ENTPD4: variants seen among roughly 807,000 people sequenced by gnomAD.
ENTPD4 encodes ectonucleoside triphosphate diphosphohydrolase 4.
A neutral mutation model predicts 79.1 loss-of-function variants in ENTPD4; 60 were observed. The observed-to-expected ratio is 0.76, with a 90% CI of 0.62 to 0.94. ENTPD4 has a LOEUF of 0.94. Ranked by LOEUF, ENTPD4 falls within the 40% of genes least tolerant of loss-of-function variation. ENTPD4 has a pLI of 0.00. For missense variants in ENTPD4, 772 were observed against 775.1 expected, an observed-to-expected ratio of 1.00 and a Z score of 0.05; for synonymous variants, 276 against 292.0, an observed-to-expected ratio of 0.95 and a Z score of 0.56.
At position 23,437,012 on chromosome 8, in the gene ENTPD4, G is replaced by A. The variant is rs377225968; in HGVS notation, c.1296C>T (p.Ser432=). 8.7e-6 allele frequency: 14 copies of A among 1,614,024 alleles called. No individual in the cohort carries two copies. The highest frequency in any genetic ancestry group is 8.0e-5 in the African/African-American group (6 of 75,006). ...CATCCTCGGTGCAGTAGTAGAATTC[G>A]GAGAAGCCATAGAATTCACTGTTCT... The part of the protein sequence containing the change: ...HFQNSEFYGF[S]EFYYCTEDVL... The change falls in exon 10 of 13, where the codon TCC becomes TCT. Residue 432 remains serine (S), a synonymous_variant. Coordinates refer to ENST00000358689, the MANE Select transcript of ENTPD4 (RefSeq NM_004901.5).
chr8:23,445,271 C>A (rs1800746333), intron 4 of ENTPD4, among the ~76,000 whole-genome samples: 1 of 152,160 alleles, frequency 6.6e-6, no homozygotes, highest in Non-Finnish European at 1.5e-5. Flanking sequence ...TTTGGACACG[C>A]CCTCTGCCAG....
At chr8:23,457,331 G>C (rs1800977184) in intron 1 of ENTPD4, among the ~76,000 whole-genome samples, 2 of 150,666 alleles carry the variant, frequency 1.3e-5, no homozygotes, top group African/African-American at 4.9e-5. Flanking sequence ...GGAGCGCGCC[G>C]GCCGCCAGGG....
rs1563222805 is a variant in ENTPD4, at chr8:23,437,042, G to A, written c.1266C>T (p.His422=). Reference sequence around the variant, plus strand: ...AGCCATAGAATTCACTGTTCTGGAAGTGAATTGGGGGCTGGTAGACCCCAT... The same window carrying A: ...AGCCATAGAATTCACTGTTCTGGAAATGAATTGGGGGCTGGTAGACCCCAT... ...SLNGVYQPPI[H]FQNSEFYGFS... The change falls in exon 10 of 13, where the codon CAC becomes CAT. Residue 422 remains histidine, a synonymous_variant. Coordinates refer to ENST00000358689, the MANE Select transcript of ENTPD4 (RefSeq NM_004901.5). 1.9e-6 allele frequency: 3 copies of A among 1,614,178 alleles called. No individual in the cohort carries two copies. The highest frequency in any genetic ancestry group is 1.7e-6 in the Non-Finnish European group (2 of 1,179,986).
At chr8:23,443,572 C>A (rs1346015251) in intron 6 of ENTPD4, among the ~76,000 whole-genome samples, 2 of 152,164 alleles carry the variant, frequency 1.3e-5, no homozygotes, top group Non-Finnish European at 2.9e-5. Flanking sequence ...ACAACTTAGG[C>A]AAGGCACACA....
chr8:23,446,174 A>G (rs1800760465), intron 4 of ENTPD4, among the ~76,000 whole-genome samples: 2 of 152,184 alleles, frequency 1.3e-5, no homozygotes. Context: ...CATTTCATAC[A>G]CTTTGTATAG....
chr8:23,433,457 G>A (rs2117273575), intron 12 of ENTPD4, among the ~76,000 whole-genome samples: 1 of 152,218 alleles, frequency 6.6e-6, no homozygotes, highest in South Asian at 2.1e-4. Context: ...CTGCATGCTT[G>A]TGATCAGTAA....
Position 23,433,005 on chromosome 8 carries a change from C to T in ENTPD4, c.1772G>A (p.Arg591His), listed in dbSNP as rs200186299. ...YLLRLRRIHR[R>H]TPRSSSAAAL... is the part of the protein sequence containing the mutation. ...GGCGGCCGAGCTGCTCCGGGGAGTGCGCCTGTGGATGCGCCGCAGCCGCAG... is the reference window on the plus strand; with the variant it reads ...GGCGGCCGAGCTGCTCCGGGGAGTGTGCCTGTGGATGCGCCGCAGCCGCAG... The change falls in exon 13 of 13, where the codon CGC becomes CAC. Residue 591 changes from arginine to histidine, a missense_variant. Physicochemically the swap from Arg to His is conservative, Grantham distance 29. Coordinates refer to ENST00000358689, the MANE Select transcript of ENTPD4 (RefSeq NM_004901.5). 1.9e-4 allele frequency: 304 copies of T among 1,613,942 alleles called. 1 individual carries two copies. The highest frequency in any genetic ancestry group is 1.0e-3 in the East Asian group (47 of 44,874).
At chr8:23,452,992 C>T (rs184366659) in intron 1 of ENTPD4, among the ~76,000 whole-genome samples, 3 of 152,300 alleles carry the variant, frequency 2.0e-5, no homozygotes, top group Admixed American at 1.3e-4. Context: ...TGACCAGTGC[C>T]TGCCACACAA....
Position 23,449,947 on chromosome 8 carries a change from CACAA to C in ENTPD4, c.-51_-48del. ...CAATGCTCTGGGATTCAGTCCTTCT[CACAA>C]ACAATTATAGAAATAATGCTGGGGT... On this transcript the variant is annotated 5_prime_UTR_variant, in exon 2 of 13. Transcript: ENST00000358689. 1.2e-6 allele frequency: 2 copies of C among 1,613,798 alleles called. No homozygotes were observed. The highest frequency in any genetic ancestry group is 8.5e-7 in the Non-Finnish European group (1 of 1,179,698).
intron 11 of ENTPD4, 133 bp downstream of exon 11, chr8:23,435,259 A>G: frequency 1.6e-6 from 1 of 633,678 alleles, no homozygotes; most frequent in Admixed American, 3.0e-5. Context: ...CCCGTTTGAA[A>G]GGGGCCCAGG....
chr8:23,455,230 T>A (rs1261101310), intron 1 of ENTPD4, among the ~76,000 whole-genome samples: 3 of 152,230 alleles, frequency 2.0e-5, no homozygotes, highest in Non-Finnish European at 2.9e-5. Context: ...CAGATGTTAG[T>A]GAACTCAAAT....
chr8:23,434,600 G>T, intron 11 of ENTPD4, 122 bp from the exon 12 acceptor site: 1 of 1,500,514 alleles, frequency 6.7e-7, no homozygotes, highest in Non-Finnish European at 8.9e-7. Context: ...TCCTCAGGCC[G>T]GCTCTCCCAA....
rs796442240 is a variant in ENTPD4, at chr8:23,452,592, AG to A, written c.-97-2596del. Among the ~76,000 whole-genome samples the A allele has an allele frequency of 1.2e-3, 185 of 152,354 alleles. 1 individual carries two copies. The highest frequency in any genetic ancestry group is 4.4e-3 in the African/African-American group (181 of 41,578). ...GCCACATATAGCTTCTGCATTAGCC[AG>A]TCCACACATAAAACACTGACATCAT... On this transcript the variant is annotated intron_variant, in intron 1 of 12. Transcript: ENST00000358689.
rs759682393 is a variant in ENTPD4, at chr8:23,437,204, G to A, written c.1104C>T (p.Cys368=). The part of the protein sequence containing the change: ...LTPDMPYLDP[C]LPLDIKDEIQ... ...TTTCATCTTTAATGTCTAGGGGTAG[G>A]CAGGGGTCCAAGTACGGCATATCAG... The change falls in exon 10 of 13, where the codon TGC becomes TGT. Residue 368 remains cysteine, a synonymous_variant. Coordinates refer to ENST00000358689, the MANE Select transcript of ENTPD4 (RefSeq NM_004901.5). 20 of 1,614,002 alleles carry A rather than the reference G, an allele frequency of 1.2e-5. No homozygotes were observed. Among genetic ancestry groups the A allele is most frequent in the Non-Finnish European group, 1.7e-5 (20 of 1,180,010 alleles).
chr8:23,449,133 C>A (rs1275380954), intron 2 of ENTPD4, among the ~76,000 whole-genome samples, 194 bp from the exon 3 acceptor site: 1 of 152,166 alleles, frequency 6.6e-6, no homozygotes, highest in African/African-American at 2.4e-5. Context: ...GAATGAGAAT[C>A]AGGCCCTGAA....
intron 2 of ENTPD4, among the ~76,000 whole-genome samples, chr8:23,449,442 A>G (rs555423993): frequency 1.2e-4 from 19 of 152,164 alleles, no homozygotes; most frequent in Non-Finnish European, 1.3e-4. Context: ...TCAACACTGA[A>G]GTCCAAGGCA....
chr8:23,439,447 T>C (rs954733429), intron 9 of ENTPD4, among the ~76,000 whole-genome samples: 4 of 152,152 alleles, frequency 2.6e-5, no homozygotes, highest in Admixed American at 6.5e-5. Context: ...GAATCATGAA[T>C]AGCACCACCC....
At chr8:23,451,005 ATTTC>A (rs1195635041) in intron 1 of ENTPD4, among the ~76,000 whole-genome samples, 1 of 147,368 alleles carries the variant, frequency 6.8e-6, no homozygotes, top group Non-Finnish European at 1.5e-5. Flanking sequence ...TCCAAATGTA[ATTTC>A]TTTTTTTCTT....
At position 23,431,085 on chromosome 8, in the gene ENTPD4, C is replaced by G. The variant is rs901851192; in HGVS notation, c.*1841G>C. On this transcript the variant is annotated 3_prime_UTR_variant, in exon 13 of 13. Transcript: ENST00000358689. ...TCAGATGCATTTTACCTTCCAGAGA[C>G]GCAGGTTAAGCTGCACCTGAGGCAG... The G allele has an allele frequency of 1.5e-6, 1 of 679,274 alleles. No homozygotes were observed. The highest frequency in any genetic ancestry group is 2.0e-5 in the African/African-American group (1 of 51,132). 42.1% of individuals were successfully genotyped at this position (679,274 alleles called of 1,614,324 possible). A position where few individuals can be genotyped will look rare whatever the true frequency, so the allele number is the denominator to read the frequency against.
Sources: allele counts gnomAD v4.1 joint callset (sites outside exome capture counted in the v4.1 genomes callset), GRCh38; gene constraint gnomAD v4.1.1; transcripts MANE v1.5; gene names NCBI Gene and HGNC (gene_info 2026-07-23, HGNC 2026-07-21).